Variants in HERC3 observed in about 807,000 individuals in gnomAD.
The protein encoded by HERC3 is probable E3 ubiquitin-protein ligase HERC3.
A neutral mutation model predicts 129.9 loss-of-function variants in HERC3; 58 were observed. That is an observed-to-expected ratio of 0.45 (90% confidence interval 0.36 to 0.56). The LOEUF (loss-of-function observed/expected upper bound fraction) is 0.56. Ranked by LOEUF, HERC3 falls within the 20% of genes least tolerant of loss-of-function variation. HERC3 has a pLI of 0.00. For missense variants in HERC3, 835 were observed against 1,244.2 expected, an observed-to-expected ratio of 0.67 and a Z score of 4.95; for synonymous variants, 430 against 451.0, an observed-to-expected ratio of 0.95 and a Z score of 0.59.
At chr4:88,702,611 CT>C (rs1735418456) in intron 23 of HERC3, among the ~76,000 whole-genome samples, 2 of 152,214 alleles carry the variant, frequency 1.3e-5, no homozygotes, top group Non-Finnish European at 2.9e-5. Context: ...ACTCTACCAT[CT>C]TTTCCTTGTC....
intron 3 of HERC3, among the ~76,000 whole-genome samples, chr4:88,644,824 A>G (rs1339048219): frequency 6.6e-6 from 1 of 152,236 alleles, no homozygotes; most frequent in Admixed American, 6.5e-5. Context: ...GAAACAAGAT[A>G]GAAAATCTCT....
intron 3 of HERC3, among the ~76,000 whole-genome samples, chr4:88,635,947 G>A (rs1308256287): frequency 6.6e-6 from 1 of 152,202 alleles, no homozygotes; most frequent in African/African-American, 2.4e-5. Flanking sequence ...ATAAGCAAAT[G>A]CTGAGGGAAT....
At chr4:88,606,510 G>T (rs920459606) in intron 3 of HERC3, among the ~76,000 whole-genome samples, 7 of 152,150 alleles carry the variant, frequency 4.6e-5, no homozygotes, top group Non-Finnish European at 8.8e-5. Flanking sequence ...AATAGATTTT[G>T]CCCGTTGTAT....
At chr4:88,558,102 A>AC in the HERC3 span, among the ~76,000 whole-genome samples, 1 of 151,310 alleles carries the variant, frequency 6.6e-6, no homozygotes, top group East Asian at 1.9e-4. Context: ...AAAAGAAAAA[A>AC]AGAACTAAAA....
intron 7 of HERC3, among the ~76,000 whole-genome samples, chr4:88,654,367 T>C (rs1275415180): frequency 8.0e-6 from 1 of 125,456 alleles, no homozygotes; most frequent in African/African-American, 3.6e-5. Flanking sequence ...TATATATATA[T>C]ATATATATAT....
chr4:88,647,624 T>C (rs1419875936), intron 3 of HERC3, among the ~76,000 whole-genome samples: 1 of 152,102 alleles, frequency 6.6e-6, no homozygotes, highest in African/African-American at 2.4e-5. Flanking sequence ...ATGGGAACAA[T>C]AGGAATTACA....
At chr4:88,545,785 G>A in the HERC3 span, among the ~76,000 whole-genome samples, 1 of 151,968 alleles carries the variant, frequency 6.6e-6, no homozygotes, top group Non-Finnish European at 1.5e-5. Context: ...TCATATGCTT[G>A]AAGAGAACTC....
chr4:88,641,476 T>C (rs1189584365), intron 3 of HERC3, among the ~76,000 whole-genome samples: 4 of 152,186 alleles, frequency 2.6e-5, no homozygotes. Flanking sequence ...TTAGTGTTAT[T>C]GAAGATAGAA....
chr4:88,559,211 A>C, the HERC3 span, among the ~76,000 whole-genome samples: 1 of 152,206 alleles, frequency 6.6e-6, no homozygotes, highest in Non-Finnish European at 1.5e-5. Context: ...TAGCATTCCA[A>C]TAATGGAACA....
chr4:88,652,818 G>A (rs1202993495), intron 5 of HERC3, 51 bp from the exon 6 acceptor site: 4 of 1,543,874 alleles, frequency 2.6e-6, no homozygotes, highest in Admixed American at 1.8e-5. Context: ...TTATTTTTGT[G>A]TGTGGAGCTT....
At chr4:88,571,828 G>A in the HERC3 span, among the ~76,000 whole-genome samples, 26 of 152,142 alleles carry the variant, frequency 1.7e-4, no homozygotes, top group Non-Finnish European at 2.9e-4. Context: ...ACTTTACTCC[G>A]TCTCAATCAA....
the HERC3 span, among the ~76,000 whole-genome samples, chr4:88,539,227 C>A: frequency 1.3e-5 from 2 of 152,306 alleles, no homozygotes; most frequent in South Asian, 4.1e-4. Context: ...AAATACTGTG[C>A]TTTTCCCATG....
At chr4:88,547,509 T>C in the HERC3 span, among the ~76,000 whole-genome samples, 1 of 152,202 alleles carries the variant, frequency 6.6e-6, no homozygotes, top group East Asian at 1.9e-4. Context: ...TTACTCCCTA[T>C]TTCTCCAATC....
At chr4:88,704,032 A>G in intron 23 of HERC3, 66 bp from the exon 24 acceptor site, 5 of 1,403,846 alleles carry the variant, frequency 3.6e-6, no homozygotes, top group South Asian at 1.2e-5. Flanking sequence ...ATCTCAGTGT[A>G]GAAGGGTAAC....
At chr4:88,587,715 T>G (rs1053404960), upstream of HERC3, among the ~76,000 whole-genome samples, 1 of 152,236 alleles carries the variant, frequency 6.6e-6, no homozygotes, top group East Asian at 1.9e-4. Flanking sequence ...ATTTATGATT[T>G]TATTTTGGTT....
At chr4:88,581,243 TGA>T in the HERC3 span, among the ~76,000 whole-genome samples, 1 of 152,114 alleles carries the variant, frequency 6.6e-6, no homozygotes, top group Admixed American at 6.6e-5. Context: ...CCTACTGTGT[TGA>T]GAGTTATTTT....
chr4:88,628,222 G>T (rs976479718), intron 3 of HERC3, among the ~76,000 whole-genome samples: 2 of 152,064 alleles, frequency 1.3e-5, no homozygotes, highest in Non-Finnish European at 2.9e-5. Context: ...GAATTTTTAA[G>T]CTCTGTAGTT....
At chr4:88,572,289 G>C in the HERC3 span, among the ~76,000 whole-genome samples, 1 of 152,138 alleles carries the variant, frequency 6.6e-6, no homozygotes, top group Non-Finnish European at 1.5e-5. Context: ...TTAGCCAGGT[G>C]TGGTGGCACC....
chr4:88,702,799 G>C (rs1233497350), intron 23 of HERC3, among the ~76,000 whole-genome samples: 3 of 152,162 alleles, frequency 2.0e-5, no homozygotes, highest in African/African-American at 7.2e-5. Flanking sequence ...AACTTATCTA[G>C]ATATTGACAG....
Sources: gnomAD v4.1 joint callset for allele counts (sites outside exome capture counted in the v4.1 genomes callset) on GRCh38, gnomAD v4.1.1 for gene constraint, MANE v1.5 for transcripts, NCBI Gene and HGNC (gene_info 2026-07-23, HGNC 2026-07-21) for gene names.